Variants in TTLL4 observed in about 807,000 individuals in gnomAD.
TTLL4 encodes the protein tubulin tyrosine ligase like 4, also known as tubulin monoglutamylase TTLL4.
Under a neutral mutation model 122.7 loss-of-function variants are expected in TTLL4, and 85 were observed. That is an observed-to-expected ratio of 0.69 (90% CI 0.58 to 0.83). TTLL4 has a LOEUF of 0.83. Ranked by LOEUF, TTLL4 falls within the 40% of genes least tolerant of loss-of-function variation. The probability of loss-of-function intolerance (pLI) is 0.00; values close to 1 mark genes in which losing one functional copy is unlikely to be tolerated. For synonymous variants in TTLL4, 553 were observed against 563.0 expected (o/e 0.98, Z 0.25); for missense variants, 1,363 against 1,488.6 (o/e 0.92, Z 1.39).
chr2:218,718,386 T>G (rs1424520014), intron 1 of TTLL4, among the ~76,000 whole-genome samples: 2 of 152,056 alleles, frequency 1.3e-5, no homozygotes, highest in Non-Finnish European at 2.9e-5. Flanking sequence ...TTCTTTTTTT[T>G]TTTTCTTTTG....
At chr2:218,726,295 T>C (rs538278544) in intron 1 of TTLL4, among the ~76,000 whole-genome samples, 1 of 152,322 alleles carries the variant, frequency 6.6e-6, no homozygotes, top group South Asian at 2.1e-4. Flanking sequence ...CTTATATGTA[T>C]TTGCTTCTTT....
At chr2:218,756,465 T>C (rs1480008319), downstream of TTLL4, among the ~76,000 whole-genome samples, 6 of 152,334 alleles carry the variant, frequency 3.9e-5, no homozygotes, top group African/African-American at 1.4e-4. Flanking sequence ...ATTCTTAATT[T>C]TCATCACATT....
At chr2:218,722,349 T>C (rs1357589583) in intron 1 of TTLL4, among the ~76,000 whole-genome samples, 2 of 126,954 alleles carry the variant, frequency 1.6e-5, no homozygotes, top group African/African-American at 3.2e-5. Context: ...CCAGCTTCTT[T>C]GTTCATCTTT....
chr2:218,718,096 A>G (rs1046810325), intron 1 of TTLL4, among the ~76,000 whole-genome samples: 7 of 152,156 alleles, frequency 4.6e-5, no homozygotes, highest in African/African-American at 1.4e-4. Flanking sequence ...ATCTTCTAAC[A>G]TAACTGTTGA....
chr2:218,745,025 GAAAT>G, intron 5 of TTLL4, 80 bp from the exon 6 acceptor site: 1 of 1,539,406 alleles, frequency 6.5e-7, no homozygotes, highest in Non-Finnish European at 8.8e-7. Flanking sequence ...ACAGCACTTG[GAAAT>G]AAATCGTACG....
rs373521373 is a variant in TTLL4 at position 218,717,955 on chromosome 2, C to T, written c.-178+6918C>T. 1.4e-4 allele frequency among the ~76,000 whole-genome samples: 22 copies of T among 152,118 alleles called. No individual in the cohort carries two copies. In the East Asian group the frequency reaches 2.7e-3, roughly 19 times the overall value. ...CTGGGACTGCAGGCGTCTGCCACCACGCCTTTTGTATTTTTAGTAGAGATG... is the reference window on the plus strand; with the variant it reads ...CTGGGACTGCAGGCGTCTGCCACCATGCCTTTTGTATTTTTAGTAGAGATG... On this transcript the variant is annotated intron_variant, in intron 1 of 19. Coordinates refer to ENST00000392102, the MANE Select transcript of TTLL4 (RefSeq NM_014640.5).
chr2:218,753,359 G>A (rs1943076327), intron 18 of TTLL4, 174 bp downstream of exon 18: 6 of 859,940 alleles, frequency 7.0e-6, no homozygotes, highest in Non-Finnish European at 1.1e-5. Context: ...AGGATTCCCT[G>A]GGTACCTTTC....
intron 2 of TTLL4, among the ~76,000 whole-genome samples, chr2:218,732,592 T>C (rs1942411903): frequency 6.6e-6 from 1 of 152,182 alleles, no homozygotes; most frequent in Non-Finnish European, 1.5e-5. Context: ...CTCTGGACTT[T>C]GACTTTATGG....
Position 218,749,491 on chromosome 2 carries a change from T to A in TTLL4, c.2735+104T>A, listed in dbSNP as rs897906078. 2.0e-5 allele frequency: 29 copies of A among 1,455,152 alleles called. No individual in the cohort carries two copies. In the African/African-American group the frequency reaches 4.0e-4, roughly 20 times the overall value. 90.1% of individuals were successfully genotyped at this position (1,455,152 alleles called of 1,614,324 possible). A position where few individuals can be genotyped will look rare whatever the true frequency, so the allele number is the denominator to read the frequency against. Reference sequence around the variant, plus strand: ...TCTTTTTTTTTTTTTTTCTTTGAGATGGAGTCTCGCTCTGTCTCCCAGGCT... The same window carrying A: ...TCTTTTTTTTTTTTTTTCTTTGAGAAGGAGTCTCGCTCTGTCTCCCAGGCT... On this transcript the variant is annotated intron_variant, in intron 14 of 19. Coordinates refer to ENST00000392102, the MANE Select transcript of TTLL4 (RefSeq NM_014640.5).
In TTLL4 at chr2:218,745,910, C is replaced by T. The variant is rs1048288558; in HGVS notation, c.1897+109C>T. 12 of 1,064,348 alleles carry T rather than the reference C, an allele frequency of 1.1e-5. No individual in the cohort carries two copies. In the African/African-American group the frequency reaches 1.7e-4, roughly 15 times the overall value. The allele number at this position is 1,064,348 out of a possible 1,614,324, so 65.9% of individuals were successfully genotyped here. ...TGCCTATGTCGGGGCAGCTGGGGCC[C>T]TCTCCTGAAATCCAACCTCATAGGA... On this transcript the variant is annotated intron_variant, in intron 7 of 19. Coordinates refer to ENST00000392102, the MANE Select transcript of TTLL4 (RefSeq NM_014640.5).
chr2:218,738,792 C>G lies in TTLL4; in HGVS notation c.1116C>G (p.Val372=). ...TGAACCCCAGCTTCCAGTGGAATGT[C>G]CTCAACAGGAGCAGGCGGTGGAAAC... is the stretch of plus-strand genomic sequence containing the variant. ...SFLNPSFQWN[V]LNRSRRWKPP... Residue 372 remains valine (V), a synonymous_variant, in exon 3 of 20, where the codon GTC becomes GTG. Coordinates refer to ENST00000392102, the MANE Select transcript of TTLL4 (RefSeq NM_014640.5). The G allele has an allele frequency of 6.2e-7, 1 of 1,614,200 alleles. No homozygotes were observed. Among genetic ancestry groups the G allele is most frequent in the Non-Finnish European group, 8.5e-7 (1 of 1,180,044 alleles).
intron 19 of TTLL4, 23 bp from the exon 20 acceptor site, chr2:218,754,111 C>T: frequency 2.5e-6 from 4 of 1,613,522 alleles, no homozygotes; most frequent in Non-Finnish European, 2.5e-6. Flanking sequence ...TCAGTCATTT[C>T]TTTCACCACC....
rs987511798 is a variant in TTLL4, at chr2:218,738,923, C to G, written c.1247C>G (p.Thr416Ser). The change falls in exon 3 of 20, where the codon ACC becomes AGC. Residue 416 changes from threonine to serine, a missense_variant. Thr to Ser is a moderately conservative substitution (Grantham distance 58). Around this residue, in one of 3 missense-constraint regions of TTLL4, gnomAD observed 760 missense variants for 808.4 expected, o/e 0.94. Coordinates refer to ENST00000392102, the MANE Select transcript of TTLL4 (RefSeq NM_014640.5). ...TLGLDNTVFC[T>S]KRISIHLLAS... The stretch of plus-strand genomic sequence containing the variant: ...GGGTTGGACAATACAGTCTTCTGTA[C>G]CAAGCGTATCAGCATTCACCTCCTT... The G allele has an allele frequency of 1.2e-6, 2 of 1,614,176 alleles. No homozygotes were observed. The highest frequency in any genetic ancestry group is 2.2e-5 in the South Asian group (2 of 91,080).
At chr2:218,714,987 T>C (rs940278952) in intron 1 of TTLL4, among the ~76,000 whole-genome samples, 3 of 152,140 alleles carry the variant, frequency 2.0e-5, no homozygotes, top group African/African-American at 7.3e-5. Flanking sequence ...TTTTTACGTA[T>C]GTTACAATTT....
chr2:218,713,079 A>G (rs900058829), intron 1 of TTLL4, among the ~76,000 whole-genome samples: 3 of 152,278 alleles, frequency 2.0e-5, no homozygotes, highest in Admixed American at 6.5e-5. Context: ...TCAGTAAGAT[A>G]GTTAATACCT....
intron 1 of TTLL4, among the ~76,000 whole-genome samples, chr2:218,711,492 T>G (rs1384923080): frequency 1.3e-5 from 2 of 152,238 alleles, no homozygotes; most frequent in African/African-American, 4.8e-5. Context: ...ACTCCACAGA[T>G]TCAAACAGGA....
At position 218,727,503 on chromosome 2, in the gene TTLL4, C is replaced by T. The variant is rs76497967; in HGVS notation, c.-99+156C>T. On this transcript the variant is annotated intron_variant, in intron 2 of 19. Coordinates refer to ENST00000392102, the MANE Select transcript of TTLL4 (RefSeq NM_014640.5). ...ATAACTGCTATTTTGTTTGGGAGGC[C>T]AAGGGGGGTGGATCACAAGGTCAGG... is the stretch of plus-strand genomic sequence containing the variant. Among the ~76,000 whole-genome samples the T allele has an allele frequency of 9.7e-3, 1,474 of 151,974 alleles. 27 individuals carry two copies. Among genetic ancestry groups the T allele is most frequent in the African/African-American group, 0.034 (1,398 of 41,386 alleles).
rs748007980 is a variant in TTLL4, at chr2:218,738,732, G to A, written c.1056G>A (p.Pro352=). The A allele has an allele frequency of 3.7e-6, 6 of 1,614,228 alleles. No homozygotes were observed. The Admixed American group carries it at 6.7e-5, about 18-fold the overall frequency. The part of the protein sequence containing the change: ...KLTARGFEKM[P]RQGCQLEQSS... ...CCGCAAGAGGCTTTGAGAAGATGCC[G>A]AGGCAAGGCTGCCAGCTTGAACAGT... The change falls in exon 3 of 20, where the codon CCG becomes CCA. Residue 352 remains proline, a synonymous_variant. Coordinates refer to ENST00000392102, the MANE Select transcript of TTLL4 (RefSeq NM_014640.5).
chr2:218,739,617 A>G (rs562035051), intron 3 of TTLL4, among the ~76,000 whole-genome samples: 23 of 152,370 alleles, frequency 1.5e-4, no homozygotes, highest in African/African-American at 5.0e-4. Context: ...GTTCTCAGTC[A>G]TTCTTGGCAT....
Sources: gnomAD v4.1 joint callset for allele counts (sites outside exome capture counted in the v4.1 genomes callset) on GRCh38, gnomAD v4.1.1 for gene constraint, gnomAD v4.1.1 regional missense constraint, MANE v1.5 for transcripts, NCBI Gene and HGNC (gene_info 2026-07-23, HGNC 2026-07-21) for gene names.